SLC38A12: variants seen among roughly 807,000 people sequenced by gnomAD.
SLC38A12 encodes the protein putative sodium-coupled neutral amino acid transporter 12.
the SLC38A12 span, chr17:74,839,385 C>T: frequency 7.2e-6 from 3 of 417,694 alleles, no homozygotes; most frequent in East Asian, 8.9e-5. Context: ...CAGTGGCTGG[C>T]AGTGCCAGGC....
chr17:74,778,088 C>G, the SLC38A12 span, among the ~76,000 whole-genome samples: 1 of 152,120 alleles, frequency 6.6e-6, no homozygotes, highest in African/African-American at 2.4e-5. Flanking sequence ...TCTTGGATGG[C>G]GTAAGAAGCA....
chr17:74,810,143 TC>T, the SLC38A12 span, among the ~76,000 whole-genome samples: 3 of 152,214 alleles, frequency 2.0e-5, no homozygotes, highest in African/African-American at 7.2e-5. Context: ...CTTCCGTCTC[TC>T]CACTCACGCA....
the SLC38A12 span, among the ~76,000 whole-genome samples, chr17:74,809,612 A>C: frequency 6.6e-6 from 1 of 152,100 alleles, no homozygotes; most frequent in South Asian, 2.1e-4. Context: ...CAGCCCCTTC[A>C]TGCCGCCTCT....
At chr17:74,790,618 A>G in the SLC38A12 span, among the ~76,000 whole-genome samples, 1 of 152,052 alleles carries the variant, frequency 6.6e-6, no homozygotes, top group Admixed American at 6.5e-5. Context: ...TGGAAGCTCA[A>G]GTAGATGTCG....
the SLC38A12 span, among the ~76,000 whole-genome samples, chr17:74,792,666 G>A: frequency 1.3e-5 from 2 of 152,288 alleles, no homozygotes; most frequent in South Asian, 2.1e-4. Flanking sequence ...CTTAGAGCCG[G>A]GGGGACTGTA....
the SLC38A12 span, chr17:74,788,893 C>T: frequency 8.7e-6 from 14 of 1,603,980 alleles, no homozygotes; most frequent in African/African-American, 4.0e-5. Flanking sequence ...CCCTCGTCTC[C>T]GGGCCATGCC....
the SLC38A12 span, among the ~76,000 whole-genome samples, chr17:74,813,034 T>C: frequency 6.6e-6 from 1 of 152,194 alleles, no homozygotes; most frequent in Non-Finnish European, 1.5e-5. Context: ...CTTAGAGAAC[T>C]GCCCACATAG....
chr17:74,805,871 G>A, the SLC38A12 span, among the ~76,000 whole-genome samples: 5 of 152,314 alleles, frequency 3.3e-5, no homozygotes, highest in African/African-American at 4.8e-5. This position sits in a 1 kb window ranked among gnomAD's most constrained non-coding sequence, Gnocchi z 5.0. Flanking sequence ...CTTGAGTGAC[G>A]CACAAGCTCC....
chr17:74,802,701 G>A, the SLC38A12 span, among the ~76,000 whole-genome samples: 12 of 152,186 alleles, frequency 7.9e-5, no homozygotes, highest in East Asian at 1.9e-4. Flanking sequence ...ATTCCAGTGA[G>A]CATTTCCTTT....
chr17:74,808,724 C>A, the SLC38A12 span, among the ~76,000 whole-genome samples: 7 of 152,220 alleles, frequency 4.6e-5, no homozygotes, highest in African/African-American at 1.7e-4. Context: ...CAGCTAGAAG[C>A]TTGGAGACAA....
the SLC38A12 span, chr17:74,837,409 G>T: frequency 2.0e-6 from 2 of 985,604 alleles, no homozygotes; most frequent in Non-Finnish European, 1.2e-6. Flanking sequence ...TGGGCCTAAA[G>T]TCTGGAGCTT....
the SLC38A12 span, among the ~76,000 whole-genome samples, chr17:74,780,416 G>A: frequency 6.6e-6 from 1 of 152,316 alleles, no homozygotes; most frequent in East Asian, 1.9e-4. Flanking sequence ...CAGCCACAGA[G>A]GAAGAGGTGA....
chr17:74,839,155 C>T, the SLC38A12 span: 2 of 1,511,052 alleles, frequency 1.3e-6, no homozygotes, highest in South Asian at 2.4e-5. Context: ...GAGGCTAGAG[C>T]AGCAGCTGCC....
the SLC38A12 span, among the ~76,000 whole-genome samples, chr17:74,780,850 C>T: frequency 6.6e-6 from 1 of 152,240 alleles, no homozygotes; most frequent in African/African-American, 2.4e-5. Flanking sequence ...CCCATTTCTG[C>T]TCCCAACTGC....
At chr17:74,826,569 C>G in the SLC38A12 span, among the ~76,000 whole-genome samples, 1 of 152,220 alleles carries the variant, frequency 6.6e-6, no homozygotes, top group Non-Finnish European at 1.5e-5. Flanking sequence ...CTGGCATATG[C>G]TGGATGCCCT....
chr17:74,784,552 C>T, the SLC38A12 span, among the ~76,000 whole-genome samples: 5 of 152,028 alleles, frequency 3.3e-5, no homozygotes, highest in Non-Finnish European at 5.9e-5. Flanking sequence ...TTGGTGGAGC[C>T]TGCCGATTGC....
At chr17:74,805,847 G>A in the SLC38A12 span, among the ~76,000 whole-genome samples, 8 of 152,178 alleles carry the variant, frequency 5.3e-5, no homozygotes, top group South Asian at 6.2e-4. This position sits in a 1 kb window ranked among gnomAD's most constrained non-coding sequence, Gnocchi z 5.0. Flanking sequence ...TCAAGTGATC[G>A]CCTGGCACCT....
the SLC38A12 span, chr17:74,819,937 C>G: frequency 4.3e-6 from 5 of 1,170,050 alleles, no homozygotes; most frequent in Non-Finnish European, 3.8e-6. Context: ...CCAGCCGTAG[C>G]TGGAGTGTGG....
chr17:74,801,425 C>A, the SLC38A12 span, among the ~76,000 whole-genome samples: 1 of 152,172 alleles, frequency 6.6e-6, no homozygotes, highest in Non-Finnish European at 1.5e-5. Context: ...GTTGTGAGCC[C>A]CTGAGATGCA....
Sources: gnomAD v4.1 joint callset for allele counts (sites outside exome capture counted in the v4.1 genomes callset) on GRCh38, gnomAD v4.1.1 for gene constraint, Gnocchi (gnomAD v3.1) non-coding constraint, MANE v1.5 for transcripts, NCBI Gene and HGNC (gene_info 2026-07-23, HGNC 2026-07-21) for gene names.